Variants in NR2C2 observed in about 807,000 individuals in gnomAD.
The protein encoded by NR2C2 is nuclear receptor subfamily 2 group C member 2, also known as Nuclear hormone receptor TR4.
Under a neutral mutation model 62.9 loss-of-function variants are expected in NR2C2, and 6 were observed. The ratio of observed to expected loss-of-function variants is 0.10; its 90% CI spans 0.05 to 0.19. The LOEUF is 0.19. Ranked by LOEUF, NR2C2 falls within the 10% of genes least tolerant of loss-of-function variation. The pLI is 1.00. For missense variants in NR2C2, 479 were observed against 762.7 expected, an observed-to-expected ratio of 0.63 and a Z score of 4.38; for synonymous variants, 272 against 273.8, an observed-to-expected ratio of 0.99 and a Z score of 0.07.
In NR2C2 at chr3:15,044,676, G is replaced by A. The variant is rs2042389252; in HGVS notation, c.*1668G>A. ...TCAGATGATATCCAAAAAGATCCCT[G>A]GACACTCCCCTGACTCACAGGTGCT... On this transcript the variant is annotated 3_prime_UTR_variant, in exon 14 of 14. Transcript: ENST00000425241. The A allele has an allele frequency of 1.3e-5, 2 of 152,340 alleles. No homozygotes were observed. The highest frequency in any genetic ancestry group is 4.8e-5 in the African/African-American group (2 of 41,574). 9.4% of individuals were successfully genotyped at this position (152,340 alleles called of 1,614,324 possible).
chr3:14,963,448 G>T (rs899603801), intron 1 of NR2C2, among the ~76,000 whole-genome samples: 1 of 152,110 alleles, frequency 6.6e-6, no homozygotes, highest in Non-Finnish European at 1.5e-5. Flanking sequence ...GGAGCCAAAA[G>T]GTTGAGATTC....
At chr3:14,994,120 G>A (rs537635042) in intron 1 of NR2C2, among the ~76,000 whole-genome samples, 2 of 152,218 alleles carry the variant, frequency 1.3e-5, no homozygotes, top group East Asian at 3.9e-4. Flanking sequence ...AACTTTCTGA[G>A]ATATGTGAAA....
intron 4 of NR2C2, among the ~76,000 whole-genome samples, chr3:15,020,419 G>A (rs1575015375): frequency 6.6e-6 from 1 of 152,244 alleles, no homozygotes; most frequent in African/African-American, 2.4e-5. Flanking sequence ...CAAGTGGACA[G>A]TAGAGTTCAG....
chr3:14,966,146 T>C (rs1424118012), intron 1 of NR2C2, among the ~76,000 whole-genome samples: 2 of 152,204 alleles, frequency 1.3e-5, no homozygotes, highest in Non-Finnish European at 2.9e-5. Flanking sequence ...AGTATCCAAA[T>C]TGAGAGATAA....
chr3:14,988,365 C>T (rs1319040546), intron 1 of NR2C2, among the ~76,000 whole-genome samples: 3 of 152,262 alleles, frequency 2.0e-5, no homozygotes, highest in African/African-American at 7.2e-5. Flanking sequence ...GGCACTGCCT[C>T]ACCCAAACCA....
chr3:15,044,140 C>CAGG lies in NR2C2; in HGVS notation c.*1135_*1137dup, dbSNP rs1406613627. ...ACTGTGAGGCTGGATTGGGGCTGGG[C>CAGG]AGGAGCCTGCTGCCGCCTGGCGAGA... On this transcript the variant is annotated 3_prime_UTR_variant, in exon 14 of 14. Coordinates refer to ENST00000425241, the MANE Select transcript of NR2C2 (RefSeq NM_001291694.2). 2.6e-5 allele frequency: 4 copies of CAGG among 152,254 alleles called. No individual in the cohort carries two copies. The highest frequency in any genetic ancestry group is 2.0e-4 in the Admixed American group (3 of 15,272). 9.4% of individuals were successfully genotyped at this position (152,254 alleles called of 1,614,324 possible).
intron 1 of NR2C2, among the ~76,000 whole-genome samples, chr3:14,960,672 CAG>C (rs1298498555): frequency 3.9e-5 from 6 of 152,214 alleles, no homozygotes; most frequent in African/African-American, 4.8e-5. Flanking sequence ...TAGTTAATAA[CAG>C]AGGAGAAATT....
At chr3:14,988,032 T>A (rs1225051201) in intron 1 of NR2C2, among the ~76,000 whole-genome samples, 1 of 152,266 alleles carries the variant, frequency 6.6e-6, no homozygotes, top group African/African-American at 2.4e-5. Context: ...GATCTTTCTG[T>A]ATTATAAATT....
intron 2 of NR2C2, among the ~76,000 whole-genome samples, chr3:15,007,388 A>C (rs963661311): frequency 2.6e-5 from 4 of 151,710 alleles, no homozygotes; most frequent in Non-Finnish European, 4.4e-5. Context: ...CGGCCTCCCA[A>C]AATTCTGGGA....
intron 2 of NR2C2, among the ~76,000 whole-genome samples, chr3:15,007,823 T>C (rs1176415956): frequency 1.3e-5 from 2 of 152,232 alleles, no homozygotes; most frequent in African/African-American, 2.4e-5. Flanking sequence ...TTCTGGGCAG[T>C]GTACCAAACA....
intron 3 of NR2C2, among the ~76,000 whole-genome samples, chr3:15,015,525 A>G (rs2124996171): frequency 6.6e-6 from 1 of 152,330 alleles, no homozygotes; most frequent in Middle Eastern, 3.4e-3. Context: ...TACGGGAAGA[A>G]TCTTAAATAT....
At chr3:14,994,581 T>C (rs1044922826) in intron 1 of NR2C2, among the ~76,000 whole-genome samples, 1 of 150,900 alleles carries the variant, frequency 6.6e-6, no homozygotes, top group African/African-American at 2.4e-5. Flanking sequence ...TAGCTGGGAC[T>C]ACAGATGCGC....
intron 1 of NR2C2, among the ~76,000 whole-genome samples, chr3:14,961,421 A>G (rs2039683711): frequency 1.3e-5 from 2 of 152,218 alleles, no homozygotes; most frequent in African/African-American, 2.4e-5. Flanking sequence ...GTAATTTTCT[A>G]TATTGCACAC....
At chr3:15,004,511 G>A (rs2041111821) in intron 2 of NR2C2, 1 of 1,560,308 alleles carries the variant, frequency 6.4e-7, no homozygotes, top group Non-Finnish European at 8.7e-7. Context: ...TACTAATATT[G>A]TTATTAACTA....
intron 1 of NR2C2, among the ~76,000 whole-genome samples, chr3:14,981,559 C>T (rs954467112): frequency 1.3e-5 from 2 of 149,240 alleles, no homozygotes; most frequent in African/African-American, 2.5e-5. Flanking sequence ...GCCGAGATCC[C>T]GCCACTGCAC....
At chr3:15,021,817 G>A (rs997917297) in intron 5 of NR2C2, among the ~76,000 whole-genome samples, 9 of 152,216 alleles carry the variant, frequency 5.9e-5, no homozygotes, top group Non-Finnish European at 1.3e-4. Flanking sequence ...TGCTGTTGAC[G>A]TTTCTGGGAA....
Position 15,025,249 on chromosome 3 carries a change from T to G in NR2C2, c.798+1041T>G, listed in dbSNP as rs551000036. The stretch of plus-strand genomic sequence containing the variant: ...AAGGGATTCACAGCAACCATTCTAT[T>G]GGGCCATCCACACACAGACTGGGAA... On this transcript the variant is annotated intron_variant, in intron 7 of 13. Coordinates refer to ENST00000425241, the MANE Select transcript of NR2C2 (RefSeq NM_001291694.2). 9.2e-5 allele frequency among the ~76,000 whole-genome samples: 14 copies of G among 152,332 alleles called. No individual in the cohort carries two copies. In the South Asian group the frequency reaches 2.7e-3, roughly 29 times the overall value.
chr3:14,952,044 C>T (rs1487851109), intron 1 of NR2C2, among the ~76,000 whole-genome samples: 1 of 152,250 alleles, frequency 6.6e-6, no homozygotes, highest in Non-Finnish European at 1.5e-5. Flanking sequence ...CTGCGCCCAG[C>T]AACTGGGAAG....
intron 1 of NR2C2, among the ~76,000 whole-genome samples, chr3:14,972,835 G>C (rs1448212722): frequency 6.6e-6 from 1 of 152,010 alleles, no homozygotes; most frequent in East Asian, 1.9e-4. Context: ...CCAAGAGAGT[G>C]GGGGGAGGTG....
Sources: allele counts gnomAD v4.1 joint callset (sites outside exome capture counted in the v4.1 genomes callset), GRCh38; gene constraint gnomAD v4.1.1; transcripts MANE v1.5; gene names NCBI Gene and HGNC (gene_info 2026-07-23, HGNC 2026-07-21).